The following TXNRD1 variants were observed in gnomAD, a reference collection of about 807,000 sequenced individuals.
The protein encoded by TXNRD1 is thioredoxin reductase 1, cytoplasmic.
In TXNRD1, 57 loss-of-function variants were observed where a neutral mutation model predicts 80.3. The observed-to-expected ratio is 0.71, with a 90% confidence interval of 0.57 to 0.89. The LOEUF (loss-of-function observed/expected upper bound fraction) is 0.89, where lower values mean the gene tolerates loss of function less well. Ranked by LOEUF, TXNRD1 falls within the 40% of genes least tolerant of loss-of-function variation. TXNRD1 has a pLI of 0.00. For synonymous variants in TXNRD1, 291 were observed against 285.2 expected (o/e 1.02, Z -0.20); for missense variants, 730 against 803.0 (o/e 0.91, Z 1.10).
At chr12:104,265,344 A>T in intron 3 of TXNRD1, 1 of 1,609,282 alleles carries the variant, frequency 6.2e-7, no homozygotes, top group African/African-American at 1.3e-5. Context: ...AGTACAAGGT[A>T]GTGGGTCGCT....
intron 7 of TXNRD1, among the ~76,000 whole-genome samples, chr12:104,317,109 C>G (rs566473401): frequency 6.6e-6 from 1 of 152,138 alleles, no homozygotes; most frequent in Non-Finnish European, 1.5e-5. Context: ...TTTGCTCAGA[C>G]CCTTAAGAGA....
At chr12:104,302,849 C>T (rs2034695621) in intron 4 of TXNRD1, among the ~76,000 whole-genome samples, 1 of 152,202 alleles carries the variant, frequency 6.6e-6, no homozygotes, top group Non-Finnish European at 1.5e-5. Flanking sequence ...GGAGTCACGT[C>T]TTTAACTGCA....
intron 4 of TXNRD1, among the ~76,000 whole-genome samples, chr12:104,294,010 A>G (rs1022791377): frequency 6.6e-6 from 1 of 152,200 alleles, no homozygotes; most frequent in Admixed American, 6.5e-5. Context: ...ATTTCTACAC[A>G]TCAGGGACTA....
intron 7 of TXNRD1, among the ~76,000 whole-genome samples, chr12:104,317,679 A>G (rs1380437100): frequency 6.6e-6 from 1 of 152,224 alleles, no homozygotes; most frequent in Non-Finnish European, 1.5e-5. Context: ...TGTCTCTACA[A>G]AGAATAATTA....
Position 104,331,623 on chromosome 12 carries a change from T to C in TXNRD1, c.1632T>C (p.Phe544=), listed in dbSNP as rs1396420040. The change falls in exon 14 of 17, where the codon TTT becomes TTC. Residue 544 remains phenylalanine, a synonymous_variant. Coordinates refer to ENST00000525566, the MANE Select transcript of TXNRD1 (RefSeq NM_001093771.3). ...GLSEEKAVEK[F]GEENIEVYHS... is the part of the protein sequence containing the mutation. Reference sequence around the variant, plus strand: ...CTGAGGAGAAAGCTGTGGAGAAGTTTGGGGAAGAAAATATTGAGGTAAGTT... The same window carrying C: ...CTGAGGAGAAAGCTGTGGAGAAGTTCGGGGAAGAAAATATTGAGGTAAGTT... The C allele has an allele frequency of 6.2e-7, 1 of 1,611,756 alleles. No homozygotes were observed.
intron 1 of TXNRD1, among the ~76,000 whole-genome samples, chr12:104,223,557 C>T (rs2032401110): frequency 6.6e-6 from 1 of 152,180 alleles, no homozygotes; most frequent in Admixed American, 6.6e-5. Flanking sequence ...TGTTGGGAGA[C>T]CAAGGAGCAT....
chr12:104,329,137 T>C (rs990378982), intron 13 of TXNRD1, among the ~76,000 whole-genome samples: 3 of 152,188 alleles, frequency 2.0e-5, no homozygotes, highest in African/African-American at 7.2e-5. Flanking sequence ...CCAGATTGAC[T>C]GATTATTGAG....
Position 104,319,021 on chromosome 12 carries a change from C to G in TXNRD1, c.839C>G (p.Ala280Gly). ...GAGAAAAAAGTCGTCTATGAGAATG[C>G]TTATGGGCAATTTATTGGTCCTCAC... The part of the protein sequence containing the change: ...LREKKVVYEN[A>G]YGQFIGPHRI... The change falls in exon 8 of 17, where the codon GCT (alanine) becomes GGT (glycine). Residue 280 changes from alanine (A) to glycine (G), a missense_variant. Transcript: ENST00000525566. The G allele has an allele frequency of 6.2e-7, 1 of 1,613,454 alleles. No homozygotes were observed. Among genetic ancestry groups the G allele is most frequent in the Non-Finnish European group, 8.5e-7 (1 of 1,179,796 alleles).
chr12:104,252,389 A>G (rs773699493), intron 2 of TXNRD1, among the ~76,000 whole-genome samples: 72 of 151,850 alleles, frequency 4.7e-4, no homozygotes, highest in Non-Finnish European at 8.5e-4. Context: ...ACTGTTTCCT[A>G]CTTGGTTCTT....
chr12:104,259,166 G>A (rs1184045500), intron 3 of TXNRD1, among the ~76,000 whole-genome samples: 1 of 152,088 alleles, frequency 6.6e-6, no homozygotes, highest in Non-Finnish European at 1.5e-5. Flanking sequence ...ATTCCCTGAG[G>A]TAAAGAGTTT....
At chr12:104,302,298 C>T (rs1206046372) in intron 4 of TXNRD1, among the ~76,000 whole-genome samples, 5 of 151,852 alleles carry the variant, frequency 3.3e-5, no homozygotes. Context: ...AGAAATAGAA[C>T]AAGTCTATAT....
chr12:104,238,438 T>C (rs759064971), intron 1 of TXNRD1, among the ~76,000 whole-genome samples: 6 of 152,194 alleles, frequency 3.9e-5, no homozygotes, highest in Non-Finnish European at 8.8e-5. Context: ...TTGCTTGAAA[T>C]GTTGCTGATC....
In TXNRD1 at chr12:104,319,361, A is replaced by G. The variant is rs575029211; in HGVS notation, c.874-109A>G. 2.3e-5 allele frequency: 17 copies of G among 741,630 alleles called. No individual in the cohort carries two copies. The African/African-American group carries it at 2.7e-4, about 12-fold the overall frequency. 45.9% of individuals were successfully genotyped at this position (741,630 alleles called of 1,614,324 possible). On this transcript the variant is annotated intron_variant, in intron 8 of 16. Transcript: ENST00000525566. ...TCCTTTTTACTATATTATTGTCCTC[A>G]TTATGAGGATGAAATGAGACAATGT...
intron 4 of TXNRD1, among the ~76,000 whole-genome samples, chr12:104,310,360 G>T (rs2135803955): frequency 6.6e-6 from 1 of 152,270 alleles, no homozygotes; most frequent in African/African-American, 2.4e-5. Flanking sequence ...CGTTGGCCAG[G>T]CTGATCTCAA....
chr12:104,254,079 G>C (rs992312025), intron 2 of TXNRD1, among the ~76,000 whole-genome samples: 1 of 152,180 alleles, frequency 6.6e-6, no homozygotes, highest in Non-Finnish European at 1.5e-5. Flanking sequence ...TAAAGTCAGA[G>C]TGTGGATCTT....
At chr12:104,279,768 A>C (rs185116543) in intron 3 of TXNRD1, among the ~76,000 whole-genome samples, 12 of 152,258 alleles carry the variant, frequency 7.9e-5, no homozygotes, top group African/African-American at 2.6e-4. Flanking sequence ...ACAAACCAAA[A>C]AAACCAAAAA....
Position 104,325,443 on chromosome 12 carries a change from C to T in TXNRD1, c.1308+14C>T. ...GAATATAATACGGTAAGGAATGGGC[C>T]CAGGTTAATACTTTATCAGAAAGCA... On this transcript the variant is annotated intron_variant, in intron 11 of 16. Coordinates refer to ENST00000525566, the MANE Select transcript of TXNRD1 (RefSeq NM_001093771.3). 6.4e-7 allele frequency: 1 copy of T among 1,574,512 alleles called. No individual in the cohort carries two copies. The highest frequency in any genetic ancestry group is 8.7e-7 in the Non-Finnish European group (1 of 1,146,716).
intron 2 of TXNRD1, among the ~76,000 whole-genome samples, chr12:104,252,672 A>ATATATATATATATATATC (rs2033147665): frequency 1.0e-5 from 1 of 98,396 alleles, no homozygotes; most frequent in African/African-American, 4.4e-5. Context: ...TTATATATAT[A>ATATATATATATATATATC]TATATATATA....
At position 104,304,336 on chromosome 12, in the gene TXNRD1, C is replaced by T. The variant is rs534832960; in HGVS notation, c.415-6954C>T. Reference sequence around the variant, plus strand: ...TCGTGGGTCTGAATTGGATGGAAGGCGATCCTGACAAGTTGAGTGATTGTG... The same window carrying T: ...TCGTGGGTCTGAATTGGATGGAAGGTGATCCTGACAAGTTGAGTGATTGTG... On this transcript the variant is annotated intron_variant, in intron 4 of 16. Coordinates refer to ENST00000525566, the MANE Select transcript of TXNRD1 (RefSeq NM_001093771.3). The T allele has an allele frequency of 4.3e-6, 7 of 1,613,974 alleles. No homozygotes were observed. The Admixed American group carries it at 8.3e-5, about 19-fold the overall frequency.
Sources: gnomAD v4.1 joint callset for allele counts (sites outside exome capture counted in the v4.1 genomes callset) on GRCh38, gnomAD v4.1.1 for gene constraint, MANE v1.5 for transcripts, NCBI Gene and HGNC (gene_info 2026-07-23, HGNC 2026-07-21) for gene names.